The following EXOC6B variants were observed in gnomAD, a reference collection of about 807,000 sequenced individuals.
The protein encoded by EXOC6B is exocyst complex component 6B.
In EXOC6B, 54 loss-of-function variants were observed where a neutral mutation model predicts 113.5. The observed-to-expected ratio is 0.48, with a 90% CI of 0.38 to 0.60. The LOEUF is 0.60. Ranked by LOEUF, EXOC6B falls within the 20% of genes least tolerant of loss-of-function variation. EXOC6B has a pLI of 0.00. For synonymous variants in EXOC6B, 357 were observed against 339.0 expected (o/e 1.05, Z -0.58); for missense variants, 797 against 977.5 (o/e 0.82, Z 2.46).
intron 17 of EXOC6B, among the ~76,000 whole-genome samples, chr2:72,475,479 C>T (rs1256334440): frequency 2.0e-5 from 3 of 152,106 alleles, no homozygotes; most frequent in African/African-American, 7.2e-5. Context: ...GGCCCGACCT[C>T]AGGCACCTGG....
chr2:72,689,347 A>G (rs1326457010), intron 6 of EXOC6B, among the ~76,000 whole-genome samples: 1 of 152,196 alleles, frequency 6.6e-6, no homozygotes, highest in African/African-American at 2.4e-5. Context: ...CAAAGTGGTT[A>G]AACCTCAGTC....
chr2:72,256,349 G>A (rs889354511), intron 20 of EXOC6B, among the ~76,000 whole-genome samples: 1 of 152,172 alleles, frequency 6.6e-6, no homozygotes, highest in African/African-American at 2.4e-5. Flanking sequence ...TCGCAATGAA[G>A]ACACTATCAA....
intron 19 of EXOC6B, among the ~76,000 whole-genome samples, chr2:72,367,078 A>C (rs551103529): frequency 6.6e-6 from 1 of 152,264 alleles, no homozygotes; most frequent in East Asian, 1.9e-4. Flanking sequence ...TAAAGCAAAG[A>C]TGCAGTAATA....
At chr2:72,258,752 G>T (rs55764675) in intron 20 of EXOC6B, among the ~76,000 whole-genome samples, 18,136 of 151,998 alleles carry the variant, frequency 0.12, 1,335 homozygotes, top group Admixed American at 0.16. Flanking sequence ...TACATACAAA[G>T]ACAGTAATTA....
intron 8 of EXOC6B, among the ~76,000 whole-genome samples, chr2:72,535,074 A>C (rs1702205333): frequency 2.6e-5 from 4 of 152,224 alleles, no homozygotes; most frequent in Admixed American, 2.6e-4. Context: ...CCTAAAATGC[A>C]AATACTAAAC....
chr2:72,346,965 A>G (rs1192669891), intron 19 of EXOC6B, among the ~76,000 whole-genome samples: 1 of 152,172 alleles, frequency 6.6e-6, no homozygotes, highest in African/African-American at 2.4e-5. Flanking sequence ...AGGTCAAAAA[A>G]GTTAAGTCAG....
Position 72,782,319 on chromosome 2 carries a change from C to T in EXOC6B, c.114-40850G>A, listed in dbSNP as rs146103511. Among the ~76,000 whole-genome samples, 59 of 152,228 alleles carry T rather than the reference C, an allele frequency of 3.9e-4. 1 individual carries two copies. In the East Asian group the frequency reaches 0.011, roughly 28 times the overall value. ...TCCTCAAAACTCAGTTCAAATATCA[C>T]CATCTCCAAGGATTCTGCATCTCAT... On this transcript the variant is annotated intron_variant, in intron 1 of 21. Coordinates refer to ENST00000272427, the MANE Select transcript of EXOC6B (RefSeq NM_015189.3).
chr2:72,539,057 A>G (rs1558775066), intron 8 of EXOC6B, among the ~76,000 whole-genome samples: 1 of 152,198 alleles, frequency 6.6e-6, no homozygotes, highest in Non-Finnish European at 1.5e-5. Context: ...GGATAAGTTC[A>G]AAGTATCTAA....
chr2:72,648,016 T>C (rs1417414067), intron 6 of EXOC6B, among the ~76,000 whole-genome samples: 1 of 152,140 alleles, frequency 6.6e-6, no homozygotes, highest in Non-Finnish European at 1.5e-5. Context: ...GGAGAAAATT[T>C]TGCAATCTAT....
chr2:72,484,566 CAAAAAA>C (rs1163864913), intron 16 of EXOC6B, among the ~76,000 whole-genome samples: 17 of 52,654 alleles, frequency 3.2e-4, no homozygotes, highest in African/African-American at 5.8e-4. Context: ...GACTCCGTCA[CAAAAAA>C]AAAAAAAAAA....
At chr2:72,668,727 A>G (rs149995264) in intron 6 of EXOC6B, among the ~76,000 whole-genome samples, 15 of 152,322 alleles carry the variant, frequency 9.8e-5, no homozygotes, top group Non-Finnish European at 1.9e-4. Context: ...GGATACGCAC[A>G]GCCATAAAGA....
At chr2:72,819,540 T>C (rs980209700) in intron 1 of EXOC6B, among the ~76,000 whole-genome samples, 4 of 152,070 alleles carry the variant, frequency 2.6e-5, no homozygotes, top group African/African-American at 4.8e-5. Context: ...CCTCCCAGGA[T>C]TGATTATTGA....
chr2:72,778,690 C>T (rs1443074762), intron 1 of EXOC6B, among the ~76,000 whole-genome samples: 1 of 152,124 alleles, frequency 6.6e-6, no homozygotes, highest in East Asian at 1.9e-4. Context: ...CGAAGGACTA[C>T]AAATCATGAC....
intron 1 of EXOC6B, among the ~76,000 whole-genome samples, chr2:72,802,349 T>TA (rs1231446775): frequency 6.6e-6 from 1 of 151,464 alleles, no homozygotes; most frequent in African/African-American, 2.4e-5. Context: ...AAGTGTCTGC[T>TA]AAAAAACTGC....
intron 1 of EXOC6B, among the ~76,000 whole-genome samples, chr2:72,759,280 T>G (rs1292113913): frequency 3.3e-5 from 5 of 152,216 alleles, no homozygotes; most frequent in Non-Finnish European, 7.3e-5. Context: ...TATTAAAAAT[T>G]TTTAAATCAA....
intron 20 of EXOC6B, among the ~76,000 whole-genome samples, chr2:72,228,795 T>G (rs964139588): frequency 6.6e-5 from 10 of 152,338 alleles, no homozygotes; most frequent in Admixed American, 3.9e-4. Context: ...ATGGGATGGC[T>G]GGGTCCAATG....
intron 6 of EXOC6B, among the ~76,000 whole-genome samples, chr2:72,691,371 T>C (rs1305155200): frequency 6.6e-6 from 1 of 152,104 alleles, no homozygotes; most frequent in African/African-American, 2.4e-5. Context: ...TCACCTAGTT[T>C]GTAGTACTTT....
chr2:72,626,611 A>G (rs1432381974), intron 6 of EXOC6B, among the ~76,000 whole-genome samples: 1 of 152,124 alleles, frequency 6.6e-6, no homozygotes, highest in Non-Finnish European at 1.5e-5. Flanking sequence ...CTATTTATAT[A>G]CCATCATGTT....
chr2:72,322,466 G>T (rs1293289254), intron 20 of EXOC6B, among the ~76,000 whole-genome samples: 1 of 152,136 alleles, frequency 6.6e-6, no homozygotes, highest in Non-Finnish European at 1.5e-5. Flanking sequence ...AGCCTTTTTG[G>T]CATGATAGAA....
Sources: allele counts gnomAD v4.1 joint callset (sites outside exome capture counted in the v4.1 genomes callset), GRCh38; gene constraint gnomAD v4.1.1; transcripts MANE v1.5; gene names NCBI Gene and HGNC (gene_info 2026-07-23, HGNC 2026-07-21).